The following ZNF264 variants were observed in gnomAD, a reference collection of about 807,000 sequenced individuals.
ZNF264 encodes zinc finger protein 264.
In ZNF264, 11 loss-of-function variants were observed where a neutral mutation model predicts 11.2. The ratio of observed to expected loss-of-function variants is 0.98; its 90% confidence interval spans 0.62 to 1.63. ZNF264 has a LOEUF of 1.63. Among genes scored for constraint, ZNF264 ranks in the 40% most tolerant of loss-of-function variants. The probability of loss-of-function intolerance (pLI) is 0.00; values close to 1 mark genes in which losing one functional copy is unlikely to be tolerated. For synonymous variants in ZNF264, 309 were observed against 279.8 expected (o/e 1.10, Z -1.04); for missense variants, 752 against 768.1 (o/e 0.98, Z 0.25).
At position 57,221,133 on chromosome 19, in the gene ZNF264, C is replaced by T. The variant is rs1052881507; in HGVS notation, c.*8152C>T. 1 of 151,930 alleles carries T rather than the reference C, an allele frequency of 6.6e-6. No individual in the cohort carries two copies. Among genetic ancestry groups the T allele is most frequent in the African/African-American group, 2.4e-5 (1 of 41,270 alleles). The allele number at this position is 151,930 out of a possible 1,614,324, so 9.4% of individuals were successfully genotyped here. On this transcript the variant is annotated 3_prime_UTR_variant, in exon 4 of 4. Transcript: ENST00000263095. The stretch of plus-strand genomic sequence containing the variant: ...TGGCGTGATCTTGGCTCACAGCAGC[C>T]TCTGCCTCCCGGGTTCAAGCGATTC...
At chr19:57,199,957 T>C (rs997866074) in intron 2 of ZNF264, among the ~76,000 whole-genome samples, 1 of 150,880 alleles carries the variant, frequency 6.6e-6, no homozygotes, top group African/African-American at 2.5e-5. Flanking sequence ...CTATTGGGGA[T>C]GCCATTTTCC....
Position 57,205,408 on chromosome 19 carries a change from C to T in ZNF264, c.172C>T (p.Pro58Ser), listed in dbSNP as rs1175123400. The change falls in exon 3 of 4, where the codon CCC becomes TCC. Residue 58 changes from proline to serine, a missense_variant. Coordinates refer to ENST00000263095, the MANE Select transcript of ZNF264 (RefSeq NM_003417.5). ...GLLVSLGCPV[P>S]KAELICHLEH... Reference sequence around the variant, plus strand: ...TTCTCCATAAACAGGGTGTCCTGTTCCCAAAGCTGAGCTGATCTGCCACCT... The same window carrying T: ...TTCTCCATAAACAGGGTGTCCTGTTTCCAAAGCTGAGCTGATCTGCCACCT... 1.9e-6 allele frequency: 3 copies of T among 1,610,464 alleles called. No homozygotes were observed. The highest frequency in any genetic ancestry group is 1.1e-5 in the South Asian group (1 of 90,050).
At chr19:57,198,359 A>T (rs965600652) in intron 2 of ZNF264, among the ~76,000 whole-genome samples, 5 of 151,958 alleles carry the variant, frequency 3.3e-5, no homozygotes, top group Non-Finnish European at 7.3e-5. Flanking sequence ...CCCCTGCATC[A>T]TTCAAGTCCT....
Position 57,212,987 on chromosome 19 carries a change from C to T in ZNF264, c.*6C>T, listed in dbSNP as rs755961412. 3 of 1,598,002 alleles carry T rather than the reference C, an allele frequency of 1.9e-6. No homozygotes were observed. The highest frequency in any genetic ancestry group is 4.5e-5 in the East Asian group (2 of 44,634). On this transcript the variant is annotated 3_prime_UTR_variant, in exon 4 of 4. Transcript: ENST00000263095. ...CACAAGTGTCTTCACTGTGAGAAAA[C>T]CTTCTGTTGCTGAATATTACTTGTC...
At chr19:57,208,154 C>A (rs1386627726) in intron 3 of ZNF264, among the ~76,000 whole-genome samples, 1 of 152,212 alleles carries the variant, frequency 6.6e-6, no homozygotes, top group Non-Finnish European at 1.5e-5. Flanking sequence ...TATGCCCAGC[C>A]TCGAGTTTCT....
At chr19:57,207,518 A>T (rs371129049) in intron 3 of ZNF264, among the ~76,000 whole-genome samples, 10 of 147,086 alleles carry the variant, frequency 6.8e-5, no homozygotes, top group African/African-American at 2.5e-4. Flanking sequence ...CAACCTAAAA[A>T]TATGCTTGTT....
chr19:57,221,761 G>GA lies in ZNF264; in HGVS notation c.*8784dup, dbSNP rs1404234292. ...TTAGCAGGGGTTCAGCTTTTCAGCT[G>GA]AAAACGTTATCCCCCTTTCAGCTGG... On this transcript the variant is annotated 3_prime_UTR_variant, in exon 4 of 4. Coordinates refer to ENST00000263095, the MANE Select transcript of ZNF264 (RefSeq NM_003417.5). 1 of 152,070 alleles carries GA rather than the reference G, an allele frequency of 6.6e-6. No homozygotes were observed. The highest frequency in any genetic ancestry group is 6.5e-5 in the Admixed American group (1 of 15,270). 9.4% of individuals were successfully genotyped at this position (152,070 alleles called of 1,614,324 possible). A position where few individuals can be genotyped will look rare whatever the true frequency, so the allele number is the denominator to read the frequency against.
chr19:57,192,446 G>C, intron 1 of ZNF264: 1 of 985,416 alleles, frequency 1.0e-6, no homozygotes, highest in Non-Finnish European at 1.2e-6. Context: ...TGGCCAGTCA[G>C]ATGCCCTTAC....
Position 57,211,527 on chromosome 19 carries a change from A to G in ZNF264, c.430A>G (p.Ile144Val), listed in dbSNP as rs779150478. Reference sequence around the variant, plus strand: ...GCAGGAAGGACACTTCAGACCAGGAATAGATCCCCAGGAGAAGTCTCCTGG... The same window carrying G: ...GCAGGAAGGACACTTCAGACCAGGAGTAGATCCCCAGGAGAAGTCTCCTGG... ...EMQEGHFRPGIDPQEKSPGKM... is the reference protein window; with the variant it reads ...EMQEGHFRPGVDPQEKSPGKM... The change falls in exon 4 of 4, where the codon ATA (isoleucine) becomes GTA (valine). Residue 144 changes from isoleucine to valine, a missense_variant. Physicochemically the swap from Ile to Val is conservative, Grantham distance 29 (BLOSUM62 3). Transcript: ENST00000263095. 1.2e-6 allele frequency: 2 copies of G among 1,614,094 alleles called. No individual in the cohort carries two copies. Among genetic ancestry groups the G allele is most frequent in the Admixed American group, 3.3e-5 (2 of 60,006 alleles).
chr19:57,194,016 C>A lies in ZNF264; in HGVS notation c.160+15C>A. The A allele has an allele frequency of 6.3e-7, 1 of 1,593,212 alleles. No homozygotes were observed. Among genetic ancestry groups the A allele is most frequent in the Non-Finnish European group, 8.6e-7 (1 of 1,169,584 alleles). ...GGTGTCTCTGGGTAAGGCCTTCCTT[C>A]CCCCTCCACCATGCAGGTGACCTGC... On this transcript the variant is annotated intron_variant, in intron 2 of 3. Coordinates refer to ENST00000263095, the MANE Select transcript of ZNF264 (RefSeq NM_003417.5).
At position 57,215,153 on chromosome 19, in the gene ZNF264, C is replaced by G. The variant is rs954369835; in HGVS notation, c.*2172C>G. The G allele has an allele frequency of 6.6e-6, 1 of 152,112 alleles. No homozygotes were observed. Among genetic ancestry groups the G allele is most frequent in the African/African-American group, 2.4e-5 (1 of 41,392 alleles). The allele number at this position is 152,112 out of a possible 1,614,324, so 9.4% of individuals were successfully genotyped here. A position where few individuals can be genotyped will look rare whatever the true frequency, so the allele number is the denominator to read the frequency against. On this transcript the variant is annotated 3_prime_UTR_variant, in exon 4 of 4. Coordinates refer to ENST00000263095, the MANE Select transcript of ZNF264 (RefSeq NM_003417.5). ...CTGTGTAGAATTGGTGTTATTTGTT[C>G]TTGTCATGTTTGATGACCTCTAGTC...
At chr19:57,210,419 T>A (rs1160095045) in intron 3 of ZNF264, among the ~76,000 whole-genome samples, 5 of 152,224 alleles carry the variant, frequency 3.3e-5, no homozygotes, top group Admixed American at 3.3e-4. Flanking sequence ...AAAACCTGTT[T>A]TAGTTACAGT....
chr19:57,192,407 C>A (rs1042568184), intron 1 of ZNF264: 1 of 985,262 alleles, frequency 1.0e-6, no homozygotes, highest in African/African-American at 1.7e-5. Flanking sequence ...CCTGGATGTT[C>A]TAGCCATCCG....
At position 57,192,029 on chromosome 19, in the gene ZNF264, C is replaced by G. The variant is rs192744643; in HGVS notation, c.33+83C>G. The G allele has an allele frequency of 3.9e-6, 5 of 1,297,470 alleles. No homozygotes were observed. The African/African-American group carries it at 6.2e-5, about 16-fold the overall frequency. 80.4% of individuals were successfully genotyped at this position (1,297,470 alleles called of 1,614,324 possible). A position where few individuals can be genotyped will look rare whatever the true frequency, so the allele number is the denominator to read the frequency against. ...GAAGTGGGTGGGAGCCCAGGTATCC[C>G]CTGGATTTGTCTTCGCAGTCGTCGT... On this transcript the variant is annotated intron_variant, in intron 1 of 3. Coordinates refer to ENST00000263095, the MANE Select transcript of ZNF264 (RefSeq NM_003417.5).
In ZNF264 at chr19:57,222,330, G is replaced by T. The variant is rs1318342476; in HGVS notation, c.*9349G>T. 1 of 130,204 alleles carries T rather than the reference G, an allele frequency of 7.7e-6. No individual in the cohort carries two copies. The highest frequency in any genetic ancestry group is 1.6e-5 in the Non-Finnish European group (1 of 63,514). 8.1% of individuals were successfully genotyped at this position (130,204 alleles called of 1,614,324 possible). On this transcript the variant is annotated 3_prime_UTR_variant, in exon 4 of 4. Transcript: ENST00000263095. Reference sequence around the variant, plus strand: ...CCACTGCACTCCAGCCTGGGTGACAGAGTGAGACTGTGTCTCAAAAAAAAA... The same window carrying T: ...CCACTGCACTCCAGCCTGGGTGACATAGTGAGACTGTGTCTCAAAAAAAAA...
In ZNF264 at chr19:57,217,738, C is replaced by G. The variant is rs1417215143; in HGVS notation, c.*4757C>G. 2 of 150,092 alleles carry G rather than the reference C, an allele frequency of 1.3e-5. No individual in the cohort carries two copies. Among genetic ancestry groups the G allele is most frequent in the Non-Finnish European group, 3.0e-5 (2 of 67,750 alleles). 9.3% of individuals were successfully genotyped at this position (150,092 alleles called of 1,614,324 possible). On this transcript the variant is annotated 3_prime_UTR_variant, in exon 4 of 4. Transcript: ENST00000263095. ...ACAAGATGTAATTTTTACTTTATCT[C>G]TCACACGTATTTTACAAAACGTCAT...
At chr19:57,196,513 T>G (rs1167142279) in intron 2 of ZNF264, among the ~76,000 whole-genome samples, 1 of 151,904 alleles carries the variant, frequency 6.6e-6, no homozygotes, top group Non-Finnish European at 1.5e-5. Flanking sequence ...CACTCAGCAG[T>G]GGCTGTAGCC....
intron 2 of ZNF264, chr19:57,195,075 G>A (rs1282269142): frequency 1.1e-5 from 4 of 352,822 alleles, no homozygotes; most frequent in Admixed American, 4.7e-5. Flanking sequence ...GGACCTAGCT[G>A]TTAACCATCA....
At chr19:57,195,137 A>G (rs1281133060) in intron 2 of ZNF264, among the ~76,000 whole-genome samples, 1 of 152,222 alleles carries the variant, frequency 6.6e-6, no homozygotes, top group Non-Finnish European at 1.5e-5. Context: ...GAGATCATAC[A>G]TAATCTTCAA....
Sources: gnomAD v4.1 joint callset for allele counts (sites outside exome capture counted in the v4.1 genomes callset) on GRCh38, gnomAD v4.1.1 for gene constraint, MANE v1.5 for transcripts, NCBI Gene and HGNC (gene_info 2026-07-23, HGNC 2026-07-21) for gene names.